The following VPS26C variants were observed in gnomAD, a reference collection of about 807,000 sequenced individuals.
The protein encoded by VPS26C is vacuolar protein sorting-associated protein 26C.
VPS26C carries 19 observed loss-of-function variants against 30.6 expected under a neutral mutation model. The observed-to-expected ratio is 0.62, with a 90% confidence interval of 0.43 to 0.91. The LOEUF (loss-of-function observed/expected upper bound fraction) is 0.91. Ranked by LOEUF, VPS26C falls within the 40% of genes least tolerant of loss-of-function variation. The pLI is 0.00. For synonymous variants in VPS26C, 132 were observed against 151.5 expected, an observed-to-expected ratio of 0.87 and a Z score of 0.95; for missense variants, 318 against 385.1, an observed-to-expected ratio of 0.83 and a Z score of 1.46.
intron 3 of VPS26C, among the ~76,000 whole-genome samples, chr21:37,236,029 C>T (rs920450302): frequency 2.0e-5 from 3 of 151,808 alleles, no homozygotes; most frequent in East Asian, 1.9e-4. Context: ...GCACCCAGCA[C>T]GTCTATCTTT....
At position 37,223,782 on chromosome 21, in the gene VPS26C, ACT is replaced by A. The variant is rs1404629662; in HGVS notation, c.*1760_*1761del. The A allele has an allele frequency of 6.6e-6, 1 of 152,276 alleles. No homozygotes were observed. The highest frequency in any genetic ancestry group is 2.4e-5 in the African/African-American group (1 of 41,478). 9.4% of individuals were successfully genotyped at this position (152,276 alleles called of 1,614,324 possible). The stretch of plus-strand genomic sequence containing the variant: ...TACCCTTGGCATTATGTCACCAAAC[ACT>A]GTTTCAGGATACTGGAAGTACATAC... On this transcript the variant is annotated 3_prime_UTR_variant, in exon 8 of 8. Coordinates refer to ENST00000309117, the MANE Select transcript of VPS26C (RefSeq NM_006052.2).
At chr21:37,254,112 T>C (rs950794830) in intron 1 of VPS26C, among the ~76,000 whole-genome samples, 1 of 152,180 alleles carries the variant, frequency 6.6e-6, no homozygotes, top group Non-Finnish European at 1.5e-5. Context: ...GTAATGACCG[T>C]GGAACACAGG....
intron 1 of VPS26C, among the ~76,000 whole-genome samples, chr21:37,254,824 G>A (rs955928572): frequency 6.6e-6 from 1 of 151,588 alleles, no homozygotes; most frequent in South Asian, 2.1e-4. Flanking sequence ...ATAAATAAAA[G>A]AAAAGAAAAA....
intron 1 of VPS26C, among the ~76,000 whole-genome samples, chr21:37,254,680 G>A (rs900770623): frequency 1.3e-5 from 2 of 151,814 alleles, no homozygotes; most frequent in Non-Finnish European, 2.9e-5. Flanking sequence ...GCATGGTGGC[G>A]GGCACCTGTA....
intron 1 of VPS26C, 36 bp downstream of exon 1, chr21:37,267,202 A>AACCCC: frequency 9.0e-6 from 9 of 998,920 alleles, no homozygotes; most frequent in Admixed American, 3.8e-5. Flanking sequence ...GACCCGCCCA[A>AACCCC]CCCCACCTCC....
intron 1 of VPS26C, among the ~76,000 whole-genome samples, chr21:37,254,166 T>C (rs535751640): frequency 6.6e-6 from 1 of 152,252 alleles, no homozygotes; most frequent in South Asian, 2.1e-4. Context: ...CCCACACTTA[T>C]ATATGAACAA....
intron 1 of VPS26C, among the ~76,000 whole-genome samples, chr21:37,260,499 T>C (rs1042702412): frequency 6.6e-6 from 1 of 152,114 alleles, no homozygotes; most frequent in Admixed American, 6.5e-5. Flanking sequence ...CTGGGCAACA[T>C]AGCGTGATTT....
chr21:37,257,122 G>A lies in VPS26C; in HGVS notation c.57+10116C>T, dbSNP rs751034610. On this transcript the variant is annotated intron_variant, in intron 1 of 7. Coordinates refer to ENST00000309117, the MANE Select transcript of VPS26C (RefSeq NM_006052.2). The surrounding 1 kb of genome is among the most constrained non-coding windows in gnomAD (Gnocchi z 4.2). ...ACTCCAGCCTGGGTGACAGAGTGAG[G>A]CTCTGTCTCAAAAAAACAAAACACA... Among the ~76,000 whole-genome samples, 1 of 152,002 alleles carries A rather than the reference G, an allele frequency of 6.6e-6. No individual in the cohort carries two copies. The highest frequency in any genetic ancestry group is 1.5e-5 in the Non-Finnish European group (1 of 68,014).
intron 4 of VPS26C, chr21:37,232,715 C>G (rs1348357130): frequency 1.8e-6 from 1 of 562,144 alleles, no homozygotes; most frequent in South Asian, 2.1e-5. Flanking sequence ...AAAATCAGAT[C>G]TAAGAAACAG....
At position 37,227,730 on chromosome 21, in the gene VPS26C, G is replaced by GC. The variant is rs778543494; in HGVS notation, c.734dup (p.Leu246ProfsTer11). The stretch of plus-strand genomic sequence containing the variant: ...AGACCATGTAGATGGGGACAGAGAG[G>GC]CCCCTGCACACATCCCCGTCGGCGA... On this transcript the variant is annotated frameshift_variant, in exon 7 of 8. Transcript: ENST00000309117. LOFTEE classifies it high-confidence loss of function. 3 of 1,614,036 alleles carry GC rather than the reference G, an allele frequency of 1.9e-6. No individual in the cohort carries two copies. The African/African-American group carries it at 4.0e-5, about 22-fold the overall frequency.
intron 1 of VPS26C, 27 bp downstream of exon 1, chr21:37,267,211 C>CCCA: frequency 3.3e-6 from 3 of 918,054 alleles, no homozygotes; most frequent in Admixed American, 1.9e-5. Flanking sequence ...AACCCCACCT[C>CCCA]CATCCCCACC....
At chr21:37,263,699 T>C (rs764145721) in intron 1 of VPS26C, among the ~76,000 whole-genome samples, 53 of 152,204 alleles carry the variant, frequency 3.5e-4, no homozygotes, top group Non-Finnish European at 7.5e-4. Flanking sequence ...AAGCCTGGGA[T>C]AGTACTGCTT....
intron 1 of VPS26C, among the ~76,000 whole-genome samples, chr21:37,250,172 A>T (rs2086177472): frequency 6.6e-6 from 1 of 151,982 alleles, no homozygotes; most frequent in Non-Finnish European, 1.5e-5. Flanking sequence ...AGGCATGATG[A>T]TACATGCCTA....
At chr21:37,238,660 T>C (rs1488847470) in intron 2 of VPS26C, 51 bp from the exon 3 acceptor site, 1 of 1,597,208 alleles carries the variant, frequency 6.3e-7, no homozygotes, top group Non-Finnish European at 8.5e-7. Context: ...GAAATGTCCT[T>C]TCCAATTACT....
intron 4 of VPS26C, chr21:37,232,782 G>A (rs915370677): frequency 5.1e-6 from 2 of 393,670 alleles, no homozygotes; most frequent in South Asian, 2.8e-5. Flanking sequence ...CCTCCAAAGG[G>A]CTCTTCACAC....
chr21:37,250,204 C>G (rs974171589), intron 1 of VPS26C, among the ~76,000 whole-genome samples: 1 of 151,890 alleles, frequency 6.6e-6, no homozygotes, highest in African/African-American at 2.4e-5. Flanking sequence ...ACTTGGGAGG[C>G]TGAGGCAGGA....
intron 3 of VPS26C, among the ~76,000 whole-genome samples, chr21:37,236,351 CATGAATGA>C (rs1455520760): frequency 6.6e-6 from 1 of 152,018 alleles, no homozygotes; most frequent in Non-Finnish European, 1.5e-5. Flanking sequence ...CAAATAATGG[CATGAATGA>C]ATGAATGGAT....
chr21:37,260,708 G>T (rs1475919758), intron 1 of VPS26C, among the ~76,000 whole-genome samples: 4 of 152,066 alleles, frequency 2.6e-5, no homozygotes, highest in Non-Finnish European at 5.9e-5. Context: ...TCCTGAATCA[G>T]AGAGAAAACC....
chr21:37,234,110 G>C (rs2085995297), intron 3 of VPS26C, among the ~76,000 whole-genome samples: 1 of 152,224 alleles, frequency 6.6e-6, no homozygotes, highest in Non-Finnish European at 1.5e-5. Context: ...CAAGCTCAAG[G>C]TCACACCTGG....
Sources: allele counts gnomAD v4.1 joint callset (sites outside exome capture counted in the v4.1 genomes callset), GRCh38; gene constraint gnomAD v4.1.1; non-coding constraint Gnocchi (gnomAD v3.1); transcripts MANE v1.5; gene names NCBI Gene and HGNC (gene_info 2026-07-23, HGNC 2026-07-21).